Variants in NIPAL2 observed in about 807,000 individuals in gnomAD.
NIPAL2 encodes NIPA-like protein 2.
Under a neutral mutation model 48.9 loss-of-function variants are expected in NIPAL2, and 43 were observed. The observed-to-expected ratio is 0.88, with a 90% CI of 0.69 to 1.13. The LOEUF (loss-of-function observed/expected upper bound fraction) is 1.13. Among genes scored for constraint, NIPAL2 ranks in the 50% most tolerant of loss-of-function variants. The pLI is 0.00. For synonymous variants in NIPAL2, 167 were observed against 174.6 expected (o/e 0.96, Z 0.34); for missense variants, 446 against 461.4 (o/e 0.97, Z 0.31).
chr8:98,290,114 A>G (rs116345819), intron 1 of NIPAL2, among the ~76,000 whole-genome samples: 296 of 152,342 alleles, frequency 1.9e-3, no homozygotes, highest in African/African-American at 6.7e-3. Flanking sequence ...ATTTAACACA[A>G]GTGTCCTTAC....
chr8:98,270,449 T>C (rs1351308470), intron 1 of NIPAL2, among the ~76,000 whole-genome samples: 1 of 152,176 alleles, frequency 6.6e-6, no homozygotes, highest in Non-Finnish European at 1.5e-5. Context: ...TGTTCAGCAT[T>C]TTTTCCGTGT....
At chr8:98,285,973 C>T (rs1816131137) in intron 1 of NIPAL2, among the ~76,000 whole-genome samples, 2 of 152,160 alleles carry the variant, frequency 1.3e-5, no homozygotes, top group Non-Finnish European at 2.9e-5. Flanking sequence ...AACTTAATCT[C>T]CAATGCAACA....
intron 1 of NIPAL2, among the ~76,000 whole-genome samples, chr8:98,281,272 T>G (rs1175416631): frequency 6.6e-6 from 1 of 151,936 alleles, no homozygotes; most frequent in Non-Finnish European, 1.5e-5. Flanking sequence ...AGGTCCTATG[T>G]CAGGAATCAA....
intron 1 of NIPAL2, among the ~76,000 whole-genome samples, chr8:98,268,018 A>G (rs1156342380): frequency 6.6e-6 from 1 of 152,250 alleles, no homozygotes; most frequent in Non-Finnish European, 1.5e-5. Flanking sequence ...AGTTCTGAAT[A>G]TTATACAATA....
At chr8:98,258,671 A>T (rs1814054317) in intron 1 of NIPAL2, among the ~76,000 whole-genome samples, 1 of 152,240 alleles carries the variant, frequency 6.6e-6, no homozygotes, top group South Asian at 2.1e-4. Flanking sequence ...TACTTCAACC[A>T]GTCATATGCT....
chr8:98,243,055 C>T (rs141390367), intron 3 of NIPAL2, among the ~76,000 whole-genome samples: 16 of 152,266 alleles, frequency 1.1e-4, no homozygotes, highest in African/African-American at 2.9e-4. Context: ...GAATACTATC[C>T]GTAAGGGGAA....
chr8:98,294,030 G>T lies in NIPAL2; in HGVS notation c.108C>A (p.Leu36=). 4.0e-6 allele frequency: 6 copies of T among 1,497,496 alleles called. No individual in the cohort carries two copies. Among genetic ancestry groups the T allele is most frequent in the Non-Finnish European group, 5.3e-6 (6 of 1,123,346 alleles). 92.8% of individuals were successfully genotyped at this position (1,497,496 alleles called of 1,614,324 possible). A position where few individuals can be genotyped will look rare whatever the true frequency, so the allele number is the denominator to read the frequency against. ...GGTTCCTGCGGTACCAGTCGCCCGA[G>T]AGGGAGCCGTTGCCGGCGCCTGGTG... The part of the protein sequence containing the change: ...YGAPGAGNGS[L]SGDWYRRNQI... Residue 36 remains leucine, a synonymous_variant, in exon 1 of 11, where the codon CTC becomes CTA. Coordinates refer to ENST00000430223, the MANE Select transcript of NIPAL2 (RefSeq NM_001321635.2).
chr8:98,218,838 G>A (rs899467562), intron 5 of NIPAL2, among the ~76,000 whole-genome samples: 5 of 152,164 alleles, frequency 3.3e-5, no homozygotes, highest in African/African-American at 4.8e-5. Flanking sequence ...ACAGCACTGC[G>A]TTATGTGGCT....
At chr8:98,209,194 T>TG (rs1244045770) in intron 6 of NIPAL2, among the ~76,000 whole-genome samples, 2 of 152,280 alleles carry the variant, frequency 1.3e-5, no homozygotes, top group Admixed American at 6.5e-5. Context: ...GAATATATAC[T>TG]GTAAATAATA....
intron 5 of NIPAL2, among the ~76,000 whole-genome samples, chr8:98,221,877 G>A (rs999744567): frequency 9.2e-5 from 14 of 152,164 alleles, no homozygotes; most frequent in African/African-American, 1.7e-4. Flanking sequence ...ACAGTGTGGC[G>A]ATTCCTCAAG....
intron 1 of NIPAL2, among the ~76,000 whole-genome samples, chr8:98,264,541 G>C (rs1213972456): frequency 1.3e-5 from 2 of 150,966 alleles, no homozygotes. Context: ...TTGCTTCAAA[G>C]AGAATAAAAT....
chr8:98,251,570 A>G (rs1813591471), intron 3 of NIPAL2: 1 of 152,224 alleles, frequency 6.6e-6, no homozygotes, highest in South Asian at 2.1e-4. Context: ...AAAGTATTTT[A>G]AATAAAATAT....
At chr8:98,251,080 C>T (rs1813562729) in intron 3 of NIPAL2, among the ~76,000 whole-genome samples, 1 of 151,928 alleles carries the variant, frequency 6.6e-6, no homozygotes, top group Non-Finnish European at 1.5e-5. Flanking sequence ...GACCAGGACA[C>T]ATGAGATAAA....
intron 8 of NIPAL2, among the ~76,000 whole-genome samples, chr8:98,200,033 A>G (rs1810731138): frequency 6.6e-6 from 1 of 152,062 alleles, no homozygotes; most frequent in Non-Finnish European, 1.5e-5. Flanking sequence ...AGCTTACTGT[A>G]ACCTTGAACT....
intron 1 of NIPAL2, among the ~76,000 whole-genome samples, chr8:98,276,804 A>T: frequency 7.1e-6 from 1 of 140,560 alleles, no homozygotes; most frequent in Non-Finnish European, 1.5e-5. Flanking sequence ...AGACAGTCTC[A>T]CTCTGTTGCC....
chr8:98,224,587 C>T (rs1812059262), intron 4 of NIPAL2, among the ~76,000 whole-genome samples: 1 of 152,052 alleles, frequency 6.6e-6, no homozygotes, highest in Admixed American at 6.6e-5. Flanking sequence ...CCTTCCATGA[C>T]TGTCCCTATC....
chr8:98,222,804 G>C (rs999500765), intron 4 of NIPAL2, among the ~76,000 whole-genome samples: 1 of 152,246 alleles, frequency 6.6e-6, no homozygotes, highest in East Asian at 1.9e-4. Context: ...CCGGGGGATG[G>C]ATGGGGCAGG....
At chr8:98,276,630 G>A (rs190734103) in intron 1 of NIPAL2, among the ~76,000 whole-genome samples, 1 of 152,170 alleles carries the variant, frequency 6.6e-6, no homozygotes, top group East Asian at 1.9e-4. Flanking sequence ...GTAAGAAACT[G>A]CCAAACTGTC....
At chr8:98,251,987 T>C (rs1159274528) in intron 3 of NIPAL2, among the ~76,000 whole-genome samples, 2 of 152,182 alleles carry the variant, frequency 1.3e-5, no homozygotes, top group Admixed American at 1.3e-4. Context: ...AAAGTAGATA[T>C]TTGTGACATT....
Sources: gnomAD v4.1 joint callset for allele counts (sites outside exome capture counted in the v4.1 genomes callset) on GRCh38, gnomAD v4.1.1 for gene constraint, MANE v1.5 for transcripts, NCBI Gene and HGNC (gene_info 2026-07-23, HGNC 2026-07-21) for gene names.